Variants in MAP7 observed in about 807,000 individuals in gnomAD.
The protein encoded by MAP7 is microtubule associated protein 7.
Under a neutral mutation model 94.8 loss-of-function variants are expected in MAP7, and 52 were observed. The ratio of observed to expected loss-of-function variants is 0.55; its 90% CI spans 0.44 to 0.69. The LOEUF (loss-of-function observed/expected upper bound fraction) is 0.69. MAP7 is among the 30% of genes least tolerant of loss of function. The pLI is 0.00. For synonymous variants in MAP7, 350 were observed against 357.0 expected (o/e 0.98, Z 0.22); for missense variants, 940 against 964.6 (o/e 0.97, Z 0.34).
chr6:136,439,150 T>C (rs910562299), intron 1 of MAP7, among the ~76,000 whole-genome samples: 2 of 152,326 alleles, frequency 1.3e-5, no homozygotes, highest in African/African-American at 4.8e-5. Context: ...ACGGTTTGAA[T>C]GTATGTATCT....
At chr6:136,375,691 T>C (rs140236038) in intron 7 of MAP7, among the ~76,000 whole-genome samples, 3 of 152,294 alleles carry the variant, frequency 2.0e-5, no homozygotes, top group East Asian at 3.9e-4. Context: ...GCTGTATCGA[T>C]GAAACTGGTG....
chr6:136,362,618 A>G lies in MAP7; in HGVS notation c.1358T>C (p.Met453Thr). ...PAPAPVPTPA[M>T]VSAPSSTVNA... ...CACAGTGGATGACGGGGCTGAGACC[A>G]TGGCTGGGGTGGGGACCGGGGCTGG... Residue 453 changes from methionine to threonine, a missense_variant, in exon 11 of 18, where the codon ATG (methionine) becomes ACG (threonine). By Grantham distance (81) the Met-to-Thr change is moderately conservative. Transcript: ENST00000354570. 1.2e-6 allele frequency: 2 copies of G among 1,613,140 alleles called. No homozygotes were observed. Among genetic ancestry groups the G allele is most frequent in the Non-Finnish European group, 8.5e-7 (1 of 1,179,606 alleles).
chr6:136,547,603 G>T (rs1304251049), intron 1 of MAP7, among the ~76,000 whole-genome samples: 1 of 151,924 alleles, frequency 6.6e-6, no homozygotes, highest in East Asian at 1.9e-4. Context: ...CTTAACTTTG[G>T]CTGTTGGCAA....
At chr6:136,411,913 T>C (rs1436282401) in intron 2 of MAP7, among the ~76,000 whole-genome samples, 2 of 152,218 alleles carry the variant, frequency 1.3e-5, no homozygotes, top group South Asian at 2.1e-4. Context: ...TTTGAAAACA[T>C]GTAAAATCAT....
intron 10 of MAP7, among the ~76,000 whole-genome samples, chr6:136,363,741 A>C (rs575894310): frequency 6.6e-6 from 1 of 152,240 alleles, no homozygotes; most frequent in South Asian, 2.1e-4. Context: ...TTCTGGAAAA[A>C]AATTCTGACT....
rs771284306 is a variant in MAP7, at chr6:136,446,422, T to C, written c.68-24623A>G. ...ACACCACCATCCAGGAGTTTCCACA[T>C]GTTCAACTTTCAGGAAGCTCCCCAA... On this transcript the variant is annotated intron_variant, in intron 1 of 17. Coordinates refer to ENST00000354570, the MANE Select transcript of MAP7 (RefSeq NM_003980.6). Among the ~76,000 whole-genome samples the C allele has an allele frequency of 7.7e-4, 117 of 152,366 alleles. 2 individuals are homozygous for C. The highest frequency in any genetic ancestry group is 2.6e-4 in the Admixed American group (4 of 15,306).
intron 1 of MAP7, among the ~76,000 whole-genome samples, chr6:136,487,819 C>A (rs1815241242): frequency 6.6e-6 from 1 of 152,116 alleles, no homozygotes; most frequent in South Asian, 2.1e-4. Flanking sequence ...TTTCTGTTCA[C>A]AATTTTCTGT....
At chr6:136,434,039 G>A (rs1445050477) in intron 1 of MAP7, among the ~76,000 whole-genome samples, 2 of 152,142 alleles carry the variant, frequency 1.3e-5, no homozygotes, top group African/African-American at 4.8e-5. Context: ...GGGCACGGTG[G>A]CTCACACCTG....
Position 136,360,962 on chromosome 6 carries a change from C to T in MAP7, c.1701+43G>A, listed in dbSNP as rs1433386910. 7 of 1,552,008 alleles carry T rather than the reference C, an allele frequency of 4.5e-6. No individual in the cohort carries two copies. The South Asian group carries it at 8.3e-5, about 18-fold the overall frequency. On this transcript the variant is annotated intron_variant, in intron 12 of 17. Transcript: ENST00000354570. ...CTCCTCTGCTGGGCTGGGGCGTCTC[C>T]CTGCGGGACTGGGGCCGGGGCCAGG...
intron 1 of MAP7, among the ~76,000 whole-genome samples, chr6:136,499,013 A>G (rs9494530): frequency 0.076 from 11,573 of 151,980 alleles, 1,024 homozygotes; most frequent in African/African-American, 0.21. Context: ...GGTTCAAGAG[A>G]TTCTCGTGCC....
intron 1 of MAP7, among the ~76,000 whole-genome samples, chr6:136,505,136 G>A (rs1238319467): frequency 6.6e-6 from 1 of 151,230 alleles, no homozygotes; most frequent in Non-Finnish European, 1.5e-5. Flanking sequence ...GACTGAGAAA[G>A]GCATATAATC....
intron 1 of MAP7, among the ~76,000 whole-genome samples, chr6:136,511,939 G>C (rs1823412398): frequency 6.6e-6 from 1 of 152,192 alleles, no homozygotes; most frequent in African/African-American, 2.4e-5. Flanking sequence ...TTCTGGAATG[G>C]TCTAGCTCTA....
chr6:136,523,389 A>G (rs1165453027), intron 1 of MAP7, among the ~76,000 whole-genome samples: 1 of 152,230 alleles, frequency 6.6e-6, no homozygotes, highest in African/African-American at 2.4e-5. Flanking sequence ...ACATGTGGCT[A>G]TTTAACTAAA....
At chr6:136,407,384 T>C (rs1358074211) in intron 3 of MAP7, among the ~76,000 whole-genome samples, 1 of 152,196 alleles carries the variant, frequency 6.6e-6, no homozygotes, top group East Asian at 1.9e-4. Flanking sequence ...AGATATAGTA[T>C]ATAGTGAAAG....
Position 136,398,775 on chromosome 6 carries a change from T to C in MAP7, c.245-9258A>G, listed in dbSNP as rs1443044441. Among the ~76,000 whole-genome samples, 5 of 152,142 alleles carry C rather than the reference T, an allele frequency of 3.3e-5. No homozygotes were observed. In the East Asian group the frequency reaches 9.7e-4, roughly 29 times the overall value. ...TTTCTTCCCAGTCTCAGGTATGTCTTTACCAGCAGTGGGAAAATGGACTAA... is the reference window on the plus strand; with the variant it reads ...TTTCTTCCCAGTCTCAGGTATGTCTCTACCAGCAGTGGGAAAATGGACTAA... On this transcript the variant is annotated intron_variant, in intron 3 of 17. Coordinates refer to ENST00000354570, the MANE Select transcript of MAP7 (RefSeq NM_003980.6).
chr6:136,499,767 G>A (rs1171843551), intron 1 of MAP7, among the ~76,000 whole-genome samples: 1 of 152,148 alleles, frequency 6.6e-6, no homozygotes, highest in Non-Finnish European at 1.5e-5. Flanking sequence ...GGGAGGCCTA[G>A]GCAGGAGGAT....
At chr6:136,546,492 T>C (rs905025987) in intron 1 of MAP7, among the ~76,000 whole-genome samples, 5 of 152,304 alleles carry the variant, frequency 3.3e-5, no homozygotes, top group Middle Eastern at 3.4e-3. Context: ...TTTCTGTGCC[T>C]GGCTTATTTC....
At chr6:136,414,357 C>T (rs886772869) in intron 2 of MAP7, among the ~76,000 whole-genome samples, 1 of 145,072 alleles carries the variant, frequency 6.9e-6, no homozygotes, top group African/African-American at 2.6e-5. Flanking sequence ...TATGTACTTC[C>T]ACATATTTTT....
chr6:136,409,783 C>G (rs921583667), intron 3 of MAP7, among the ~76,000 whole-genome samples: 4 of 152,230 alleles, frequency 2.6e-5, no homozygotes, highest in Non-Finnish European at 5.9e-5. Flanking sequence ...TAGACTACAC[C>G]TAGCCCTAGA....
Sources: allele counts gnomAD v4.1 joint callset (sites outside exome capture counted in the v4.1 genomes callset), GRCh38; gene constraint gnomAD v4.1.1; transcripts MANE v1.5; gene names NCBI Gene and HGNC (gene_info 2026-07-23, HGNC 2026-07-21).